The following KCNU1 variants were observed in gnomAD, a reference collection of about 807,000 sequenced individuals.
KCNU1 encodes potassium channel subfamily U member 1.
KCNU1 carries 93 observed loss-of-function variants against 126.8 expected under a neutral mutation model. That is an observed-to-expected ratio of 0.73 (90% CI 0.62 to 0.87). The LOEUF is 0.87. KCNU1 is among the 40% of genes least tolerant of loss of function. The pLI, the probability that KCNU1 is intolerant of heterozygous loss-of-function variation, is 0.00. For synonymous variants in KCNU1, 523 were observed against 494.2 expected, an observed-to-expected ratio of 1.06 and a Z score of -0.77; for missense variants, 1,330 against 1,367.1, an observed-to-expected ratio of 0.97 and a Z score of 0.43.
intron 18 of KCNU1, among the ~76,000 whole-genome samples, chr8:36,848,925 C>T (rs1413629228): frequency 6.6e-6 from 1 of 152,138 alleles, no homozygotes; most frequent in East Asian, 1.9e-4. Flanking sequence ...AGAGATCAGG[C>T]TGTGTCCTAT....
In KCNU1 at chr8:36,799,808, T is replaced by A. The variant is rs1803239303; in HGVS notation, c.316-4219T>A. ...CTCCTGCCTCGGCCTCCCAAATTGC[T>A]GGGATTACAGGCATTAGTCACCGCG... On this transcript the variant is annotated intron_variant, in intron 2 of 26. Coordinates refer to ENST00000399881, the MANE Select transcript of KCNU1 (RefSeq NM_001031836.3). Among the ~76,000 whole-genome samples the A allele has an allele frequency of 3.3e-5, 5 of 152,102 alleles. No homozygotes were observed. The South Asian group carries it at 1.0e-3, about 31-fold the overall frequency.
chr8:36,889,890 C>A (rs1310114668), intron 19 of KCNU1, among the ~76,000 whole-genome samples: 3 of 151,976 alleles, frequency 2.0e-5, no homozygotes, highest in African/African-American at 7.2e-5. Context: ...TCATCTTGCC[C>A]ATGGAGAAAC....
chr8:36,927,945 A>C (rs1808581766), intron 24 of KCNU1, among the ~76,000 whole-genome samples: 1 of 132,896 alleles, frequency 7.5e-6, no homozygotes, highest in Non-Finnish European at 1.6e-5. Context: ...GGAGGGAGGG[A>C]GGAAGGGAGG....
At chr8:36,916,252 A>G (rs1808101581) in intron 22 of KCNU1, among the ~76,000 whole-genome samples, 1 of 148,886 alleles carries the variant, frequency 6.7e-6, no homozygotes, top group African/African-American at 2.5e-5. Context: ...AGGAAGGAAG[A>G]AACAAAGGAA....
At chr8:36,859,019 A>G (rs1355187403) in intron 18 of KCNU1, among the ~76,000 whole-genome samples, 1 of 152,192 alleles carries the variant, frequency 6.6e-6, no homozygotes, top group African/African-American at 2.4e-5. Context: ...CTGAGATTCT[A>G]AAGCAACAAG....
chr8:36,922,557 T>C lies in KCNU1; in HGVS notation c.2664T>C (p.Asn888=), dbSNP rs1445254740. The change falls in exon 24 of 27, where the codon AAT becomes AAC. Residue 888 remains asparagine, a synonymous_variant. Coordinates refer to ENST00000399881, the MANE Select transcript of KCNU1 (RefSeq NM_001031836.3). The stretch of plus-strand genomic sequence containing the variant: ...TGGAAGGGTCCCTCCAAGAAACAAA[T>C]CTGCATCTCAGCACTGCCTTTTCTA... ...GGLEGSLQET[N]LHLSTAFSTG... 1 of 1,613,772 alleles carries C rather than the reference T, an allele frequency of 6.2e-7. No individual in the cohort carries two copies.
At chr8:36,826,302 C>T (rs747336738) in intron 10 of KCNU1, among the ~76,000 whole-genome samples, 5 of 151,968 alleles carry the variant, frequency 3.3e-5, no homozygotes, top group East Asian at 3.9e-4. Context: ...CTCTGCCTCC[C>T]GGGTTCAAGT....
intron 2 of KCNU1, among the ~76,000 whole-genome samples, chr8:36,789,524 C>G (rs1007180465): frequency 2.6e-5 from 4 of 151,960 alleles, no homozygotes; most frequent in African/African-American, 9.7e-5. Context: ...TATTGTTTGC[C>G]AAGTACATGC....
intron 2 of KCNU1, among the ~76,000 whole-genome samples, chr8:36,798,250 G>C (rs1456847012): frequency 6.6e-6 from 1 of 152,218 alleles, no homozygotes; most frequent in Non-Finnish European, 1.5e-5. Context: ...TCTAAGGGAT[G>C]TGGGGAGTCA....
rs550452031 is a variant in KCNU1 at position 36,842,735 on chromosome 8, A to G, written c.1703+1732A>G. ...GCCCAGGCTGGAGTGCAATGGCACA[A>G]TTTCGGCTCACTGCAACCTCCGCCT... On this transcript the variant is annotated intron_variant, in intron 16 of 26. Transcript: ENST00000399881. Among the ~76,000 whole-genome samples the G allele has an allele frequency of 2.5e-4, 38 of 152,284 alleles. No homozygotes were observed. The East Asian group carries it at 6.6e-3, about 26-fold the overall frequency.
intron 19 of KCNU1, among the ~76,000 whole-genome samples, chr8:36,896,807 G>T (rs1439801345): frequency 1.3e-5 from 2 of 151,954 alleles, no homozygotes; most frequent in African/African-American, 2.4e-5. Context: ...GAGATTATAG[G>T]AAAACATTTC....
intron 10 of KCNU1, among the ~76,000 whole-genome samples, 188 bp downstream of exon 10, chr8:36,817,948 A>G (rs1803982248): frequency 6.6e-6 from 1 of 152,210 alleles, no homozygotes; most frequent in South Asian, 2.1e-4. Flanking sequence ...ATATCTTGTC[A>G]GATGTTTTTC....
chr8:36,837,706 A>C (rs551078567), intron 14 of KCNU1, among the ~76,000 whole-genome samples: 27 of 152,294 alleles, frequency 1.8e-4, no homozygotes, highest in African/African-American at 5.8e-4. Context: ...TCTTGGGATA[A>C]ATTTTTGTAG....
intron 19 of KCNU1, among the ~76,000 whole-genome samples, chr8:36,875,789 T>C (rs921850671): frequency 1.3e-5 from 2 of 152,172 alleles, no homozygotes; most frequent in Admixed American, 1.3e-4. Flanking sequence ...TATTGTTTGA[T>C]TTTATACTCA....
At chr8:36,922,326 G>C (rs1166954117) in intron 23 of KCNU1, among the ~76,000 whole-genome samples, 164 bp from the exon 24 acceptor site, 3 of 140,694 alleles carry the variant, frequency 2.1e-5, no homozygotes, top group Admixed American at 1.4e-4. Flanking sequence ...ATTTGGAAAG[G>C]AAAGAAAAAA....
At chr8:36,845,731 C>A in intron 17 of KCNU1, 62 bp downstream of exon 17, 1 of 1,434,848 alleles carries the variant, frequency 7.0e-7, no homozygotes, top group East Asian at 2.3e-5. Flanking sequence ...GGGAGGCCCA[C>A]TGAGTCAGCA....
At chr8:36,855,969 A>G (rs1459261296) in intron 18 of KCNU1, among the ~76,000 whole-genome samples, 1 of 152,282 alleles carries the variant, frequency 6.6e-6, no homozygotes, top group East Asian at 1.9e-4. Context: ...GTAGGGCACA[A>G]TTTAGTCCAC....
intron 19 of KCNU1, among the ~76,000 whole-genome samples, chr8:36,887,555 T>C (rs1334515575): frequency 1.3e-5 from 2 of 151,336 alleles, no homozygotes; most frequent in Non-Finnish European, 2.9e-5. Context: ...TAAGAGTGTA[T>C]CTTCTGGAAA....
intron 7 of KCNU1, among the ~76,000 whole-genome samples, chr8:36,813,792 T>C (rs1803809241): frequency 6.6e-6 from 1 of 152,194 alleles, no homozygotes; most frequent in Non-Finnish European, 1.5e-5. Flanking sequence ...AGTGCTCATT[T>C]AAGTGCTTCT....
Sources: gnomAD v4.1 joint callset for allele counts (sites outside exome capture counted in the v4.1 genomes callset) on GRCh38, gnomAD v4.1.1 for gene constraint, MANE v1.5 for transcripts, NCBI Gene and HGNC (gene_info 2026-07-23, HGNC 2026-07-21) for gene names.